SLC26A8: variants seen among roughly 807,000 people sequenced by gnomAD.
SLC26A8 encodes the protein solute carrier family 26 member 8, also known as testis anion transporter 1.
SLC26A8 carries 70 observed loss-of-function variants against 105.0 expected under a neutral mutation model. That is an observed-to-expected ratio of 0.67 (90% CI 0.55 to 0.81). SLC26A8 has a LOEUF of 0.81. Among genes scored for constraint, SLC26A8 ranks in the 40% least tolerant of loss-of-function variants. The pLI is 0.00. For missense variants in SLC26A8, 998 were observed against 1,181.8 expected, an observed-to-expected ratio of 0.84 and a Z score of 2.28; for synonymous variants, 415 against 438.3, an observed-to-expected ratio of 0.95 and a Z score of 0.66.
At position 35,965,730 on chromosome 6, in the gene SLC26A8, C is replaced by T. The variant is rs573541521; in HGVS notation, c.1366-3109G>A. Reference sequence around the variant, plus strand: ...AAAGAAAGAAACATTTTTGTTCACACCTGTAATCCCAGCACTTTGGGAGGC... The same window carrying T: ...AAAGAAAGAAACATTTTTGTTCACATCTGTAATCCCAGCACTTTGGGAGGC... On this transcript the variant is annotated intron_variant, in intron 11 of 19. Coordinates refer to ENST00000490799, the MANE Select transcript of SLC26A8 (RefSeq NM_052961.4). Among the ~76,000 whole-genome samples, 6 of 150,272 alleles carry T rather than the reference C, an allele frequency of 4.0e-5. No homozygotes were observed. The South Asian group carries it at 1.3e-3, about 32-fold the overall frequency.
rs144580704 is a variant in SLC26A8 at position 35,964,511 on chromosome 6, G to A, written c.1366-1890C>T. On this transcript the variant is annotated intron_variant, in intron 11 of 19. Transcript: ENST00000490799. ...CAAATACAAAAATTAGCCGGGCATG[G>A]TGGTACATGCCTGTAATCTCAGCCA... 4.5e-3 allele frequency among the ~76,000 whole-genome samples: 682 copies of A among 152,196 alleles called. 9 individuals are homozygous for A. The highest frequency in any genetic ancestry group is 0.024 in the South Asian group (118 of 4,824).
At chr6:36,021,681 G>A (rs980360572) in intron 1 of SLC26A8, among the ~76,000 whole-genome samples, 2 of 152,144 alleles carry the variant, frequency 1.3e-5, no homozygotes, top group Non-Finnish European at 2.9e-5. Flanking sequence ...ATCTTTTCCA[G>A]GAGAAGCCAT....
At chr6:36,005,800 T>C (rs12191546) in intron 3 of SLC26A8, among the ~76,000 whole-genome samples, 6,449 of 152,334 alleles carry the variant, frequency 0.042, 192 homozygotes, top group South Asian at 0.073. Flanking sequence ...CCACTGGTTT[T>C]AGCATCCACT....
Position 35,994,115 on chromosome 6 carries a change from T to G in SLC26A8, c.628-1441A>C, listed in dbSNP as rs867903654. 1.2e-3 allele frequency among the ~76,000 whole-genome samples: 156 copies of G among 131,200 alleles called. 2 individuals carry two copies. Among genetic ancestry groups the G allele is most frequent in the African/African-American group, 4.4e-3 (150 of 34,068 alleles). The allele number at this position is 131,200 out of a possible 152,430, so 86.1% of individuals were successfully genotyped here. On this transcript the variant is annotated intron_variant, in intron 5 of 19. Transcript: ENST00000490799. The stretch of plus-strand genomic sequence containing the variant: ...ACTGTGTCTCCCTTTTTTTTTCTTT[T>G]CTTTTTTTTTTTTTTTTGAGACGGA...
At chr6:36,019,131 GC>G (rs1762065436) in intron 2 of SLC26A8, among the ~76,000 whole-genome samples, 1 of 152,124 alleles carries the variant, frequency 6.6e-6, no homozygotes, top group South Asian at 2.1e-4. Context: ...TCACCATGTT[GC>G]CCAGGTTGGT....
At chr6:35,969,753 CAA>C (rs1421918952) in intron 10 of SLC26A8, 1 of 152,054 alleles carries the variant, frequency 6.6e-6, no homozygotes, top group Non-Finnish European at 1.5e-5. Flanking sequence ...TTAAAAAACA[CAA>C]AGATAATCAC....
At chr6:35,985,345 C>T (rs1342231959) in intron 7 of SLC26A8, among the ~76,000 whole-genome samples, 6 of 152,224 alleles carry the variant, frequency 3.9e-5, no homozygotes, top group Non-Finnish European at 5.9e-5. Context: ...GTGTCAGATA[C>T]ATCTGGGTTT....
In SLC26A8 at chr6:35,978,835, C is replaced by T. The variant is rs540687847; in HGVS notation, c.1026-1484G>A. Among the ~76,000 whole-genome samples, 54 of 140,876 alleles carry T rather than the reference C, an allele frequency of 3.8e-4. 1 individual carries two copies. The South Asian group carries it at 9.5e-3, about 25-fold the overall frequency. 92.4% of individuals were successfully genotyped at this position (140,876 alleles called of 152,430 possible). On this transcript the variant is annotated intron_variant, in intron 8 of 19. Transcript: ENST00000490799. ...GTCTTCTTCTTCTTCTTTCCTTCTT[C>T]TTCTTCTTCTTTTTTTTTTTTTATA...
intron 5 of SLC26A8, among the ~76,000 whole-genome samples, chr6:35,994,960 C>G (rs962536352): frequency 1.3e-5 from 2 of 152,208 alleles, no homozygotes; most frequent in African/African-American, 4.8e-5. Context: ...CTTGGAGAAT[C>G]TGGCTTCAGT....
chr6:36,023,010 A>G (rs1762163639), intron 1 of SLC26A8, among the ~76,000 whole-genome samples: 1 of 151,188 alleles, frequency 6.6e-6, no homozygotes. Flanking sequence ...AAAAGCAAAG[A>G]AGCTGTCCAG....
intron 16 of SLC26A8, 86 bp downstream of exon 16, chr6:35,959,374 G>A (rs928929530): frequency 1.4e-6 from 2 of 1,422,648 alleles, no homozygotes; most frequent in South Asian, 1.5e-5. Flanking sequence ...ATCCCTTAGA[G>A]GTTTTGATTT....
chr6:36,018,509 G>C (rs928587856), intron 2 of SLC26A8, among the ~76,000 whole-genome samples: 1 of 152,186 alleles, frequency 6.6e-6, no homozygotes, highest in African/African-American at 2.4e-5. Context: ...TGGGCTGAGG[G>C]GTGGGGAAAT....
At chr6:35,959,092 A>T (rs1772206912) in intron 16 of SLC26A8, among the ~76,000 whole-genome samples, 1 of 152,202 alleles carries the variant, frequency 6.6e-6, no homozygotes, top group South Asian at 2.1e-4. Context: ...ATCAGAAAAC[A>T]ATCTTTAAGT....
At chr6:35,946,076 A>T (rs1050834219) in intron 19 of SLC26A8, among the ~76,000 whole-genome samples, 5 of 152,016 alleles carry the variant, frequency 3.3e-5, no homozygotes, top group Middle Eastern at 3.2e-3. Flanking sequence ...TGCTCTCTCC[A>T]TAGGGACTTT....
At position 35,977,251 on chromosome 6, in the gene SLC26A8, C is replaced by T; in HGVS notation, c.1126G>A (p.Gly376Ser). The change falls in exon 9 of 20, where the codon GGC becomes AGC. Residue 376 changes from glycine (G) to serine (S), a missense_variant. Physicochemically the swap from Gly to Ser is moderately conservative, Grantham distance 56 (BLOSUM62 0). Coordinates refer to ENST00000490799, the MANE Select transcript of SLC26A8 (RefSeq NM_052961.4). ...TTGTGAAGACTGGCAATCTTCTTGCCCAGAAATATGAGCAGAAAGGAGCTC... is the reference window on the plus strand; with the variant it reads ...TTGTGAAGACTGGCAATCTTCTTGCTCAGAAATATGAGCAGAAAGGAGCTC... The part of the protein sequence containing the change: ...LVSSFLLIFL[G>S]KKIASLHNYS... 1 of 1,613,750 alleles carries T rather than the reference C, an allele frequency of 6.2e-7. No individual in the cohort carries two copies. Among genetic ancestry groups the T allele is most frequent in the Admixed American group, 1.7e-5 (1 of 59,972 alleles).
rs376957512 is a variant in SLC26A8, at chr6:35,951,262, G to A, written c.2373C>T (p.Ala791=). 42 of 1,614,078 alleles carry A rather than the reference G, an allele frequency of 2.6e-5. No homozygotes were observed. Among genetic ancestry groups the A allele is most frequent in the Admixed American group, 3.3e-5 (2 of 60,006 alleles). The change falls in exon 19 of 20, where the codon GCC becomes GCT. Residue 791 remains alanine (A), a synonymous_variant. Coordinates refer to ENST00000490799, the MANE Select transcript of SLC26A8 (RefSeq NM_052961.4). ...KTQLFLSVHD[A]VLFALSRKVI... ...CCTTCCTTGACAAGGCAAACAGCACGGCGTCGTGAACGCTGAGGAACAGCT... is the reference window on the plus strand; with the variant it reads ...CCTTCCTTGACAAGGCAAACAGCACAGCGTCGTGAACGCTGAGGAACAGCT...
chr6:35,987,961 G>A (rs910941967), intron 7 of SLC26A8, among the ~76,000 whole-genome samples: 1 of 148,470 alleles, frequency 6.7e-6, no homozygotes, highest in African/African-American at 2.5e-5. Context: ...GTCCAGGCTG[G>A]AGGGCAGTGG....
At chr6:36,018,128 A>C (rs142246783) in intron 2 of SLC26A8, among the ~76,000 whole-genome samples, 1 of 152,350 alleles carries the variant, frequency 6.6e-6, no homozygotes, top group African/African-American at 2.4e-5. Context: ...AGTTCCTTAA[A>C]AAGTTAAATT....
At position 35,977,203 on chromosome 6, in the gene SLC26A8, C is replaced by T. The variant is rs777568963; in HGVS notation, c.1173+1G>A. 40 of 1,612,948 alleles carry T rather than the reference C, an allele frequency of 2.5e-5. No homozygotes were observed. The East Asian group carries it at 8.7e-4, about 35-fold the overall frequency. On this transcript the variant is annotated splice_donor_variant, in intron 9 of 19. Transcript: ENST00000490799. LOFTEE classifies it high-confidence loss of function. ...ATCAGAGGAAGTAGTAGTCCTCTCA[C>T]CTGGTTGGAATTGACACTGTAATTG...
Sources: gnomAD v4.1 joint callset for allele counts (sites outside exome capture counted in the v4.1 genomes callset) on GRCh38, gnomAD v4.1.1 for gene constraint, MANE v1.5 for transcripts, NCBI Gene and HGNC (gene_info 2026-07-23, HGNC 2026-07-21) for gene names.